The following TENM3 variants were observed in gnomAD, a reference collection of about 807,000 sequenced individuals.
TENM3 encodes the protein teneurin transmembrane protein 3, also known as teneurin-3.
A neutral mutation model predicts 255.1 loss-of-function variants in TENM3; 63 were observed. The observed-to-expected ratio is 0.25, with a 90% CI of 0.20 to 0.30. The LOEUF (loss-of-function observed/expected upper bound fraction) is 0.30, where lower values mean the gene tolerates loss of function less well. Ranked by LOEUF, TENM3 falls within the 10% of genes least tolerant of loss-of-function variation. The pLI is 1.00. For missense variants in TENM3, 2,929 were observed against 3,461.1 expected (o/e 0.85, Z 3.86); for synonymous variants, 1,306 against 1,322.3 (o/e 0.99, Z 0.27).
chr4:181,904,322 A>C, the TENM3 span, among the ~76,000 whole-genome samples: 1 of 152,086 alleles, frequency 6.6e-6, no homozygotes, highest in African/African-American at 2.4e-5. Flanking sequence ...GCAGCCTTTT[A>C]GAACCAAGCA....
chr4:181,534,634 A>G, the TENM3 span, among the ~76,000 whole-genome samples: 1 of 152,136 alleles, frequency 6.6e-6, no homozygotes, highest in African/African-American at 2.4e-5. Flanking sequence ...CCAGAGAAGG[A>G]AAGATTTCTT....
chr4:182,602,566 T>G (rs1581071221), intron 4 of TENM3, among the ~76,000 whole-genome samples: 1 of 152,226 alleles, frequency 6.6e-6, no homozygotes, highest in African/African-American at 2.4e-5. Flanking sequence ...TAAAGAACTC[T>G]TATCTTTTTA....
At chr4:182,726,445 C>T (rs1050356508) in intron 13 of TENM3, among the ~76,000 whole-genome samples, 1 of 152,176 alleles carries the variant, frequency 6.6e-6, no homozygotes, top group Non-Finnish European at 1.5e-5. Flanking sequence ...GCTCCATTCC[C>T]AGCAGCTTCT....
At chr4:181,501,058 C>T in the TENM3 span, among the ~76,000 whole-genome samples, 1 of 152,292 alleles carries the variant, frequency 6.6e-6, no homozygotes, top group East Asian at 1.9e-4. Context: ...GCTTCCCGCC[C>T]ACCTCATAGA....
chr4:182,564,634 C>T (rs755736928), intron 3 of TENM3, among the ~76,000 whole-genome samples: 8 of 150,788 alleles, frequency 5.3e-5, no homozygotes, highest in Non-Finnish European at 1.0e-4. Flanking sequence ...TCTTGACACA[C>T]GGTAAATATT....
At chr4:182,591,877 C>A (rs996631162) in intron 3 of TENM3, among the ~76,000 whole-genome samples, 1 of 152,118 alleles carries the variant, frequency 6.6e-6, no homozygotes, top group Non-Finnish European at 1.5e-5. Context: ...CCCTGAATAT[C>A]TGTTTTTGTT....
chr4:181,796,313 C>T, the TENM3 span, among the ~76,000 whole-genome samples: 3 of 152,166 alleles, frequency 2.0e-5, no homozygotes, highest in African/African-American at 7.2e-5. Flanking sequence ...CACTAGAGGG[C>T]ACATTCATGA....
rs547953259 is a variant in TENM3, at chr4:182,350,973, G to A, written c.511+4044G>A. On this transcript the variant is annotated intron_variant, in intron 3 of 27. Coordinates refer to ENST00000511685, the MANE Select transcript of TENM3 (RefSeq NM_001080477.4). Reference sequence around the variant, plus strand: ...GCTGGGATTACAGGCATGAGCCACCGCGCCCGGCCACTGACGTGTTGTTAA... The same window carrying A: ...GCTGGGATTACAGGCATGAGCCACCACGCCCGGCCACTGACGTGTTGTTAA... Among the ~76,000 whole-genome samples the A allele has an allele frequency of 3.9e-5, 6 of 152,246 alleles. No individual in the cohort carries two copies. The East Asian group carries it at 7.7e-4, about 20-fold the overall frequency.
At chr4:181,732,107 C>T in the TENM3 span, among the ~76,000 whole-genome samples, 8 of 152,200 alleles carry the variant, frequency 5.3e-5, no homozygotes, top group Non-Finnish European at 1.0e-4. Context: ...AGGCGATTTT[C>T]CCCAATTCAG....
At chr4:182,094,076 C>T in the TENM3 span, among the ~76,000 whole-genome samples, 1 of 151,948 alleles carries the variant, frequency 6.6e-6, no homozygotes, top group South Asian at 2.1e-4. Context: ...GCAGTGGAGT[C>T]AACACTGAGC....
At chr4:182,076,209 T>C in the TENM3 span, among the ~76,000 whole-genome samples, 8 of 111,160 alleles carry the variant, frequency 7.2e-5, no homozygotes, top group South Asian at 2.0e-3. Flanking sequence ...TCCTTCTTCT[T>C]CTTCTTTTTT....
chr4:181,678,432 G>A, the TENM3 span, among the ~76,000 whole-genome samples: 2 of 151,968 alleles, frequency 1.3e-5, no homozygotes, highest in Admixed American at 6.6e-5. Context: ...GGGAGGCAAC[G>A]GGGAAGGCAA....
the TENM3 span, among the ~76,000 whole-genome samples, chr4:181,845,525 A>G: frequency 6.6e-6 from 1 of 152,328 alleles, no homozygotes; most frequent in South Asian, 2.1e-4. Flanking sequence ...ATACACACAC[A>G]TACATACAAC....
intron 4 of TENM3, among the ~76,000 whole-genome samples, chr4:182,608,573 A>T (rs1046698547): frequency 9.2e-5 from 14 of 152,250 alleles, no homozygotes; most frequent in African/African-American, 3.4e-4. Context: ...TTTTGGTGTT[A>T]GCTGTGTTGA....
At chr4:182,425,054 G>A (rs764851231) in intron 3 of TENM3, among the ~76,000 whole-genome samples, 1 of 152,146 alleles carries the variant, frequency 6.6e-6, no homozygotes, top group Non-Finnish European at 1.5e-5. Flanking sequence ...CAGATTGTAT[G>A]AGAATGTTTA....
chr4:182,293,751 G>A lies in TENM3; in HGVS notation c.-75-30195G>A, dbSNP rs1170337933. On this transcript the variant is annotated intron_variant, in intron 1 of 27. Coordinates refer to ENST00000511685, the MANE Select transcript of TENM3 (RefSeq NM_001080477.4). The stretch of plus-strand genomic sequence containing the variant: ...CTGCCTCCTCCACATGCTTTAAAGC[G>A]CCCACCCCGAGTCCCTTCCAAATTT... Among the ~76,000 whole-genome samples, 3 of 148,552 alleles carry A rather than the reference G, an allele frequency of 2.0e-5. 1 individual carries two copies. The highest frequency in any genetic ancestry group is 3.9e-4 in the East Asian group (2 of 5,172).
rs1287383808 is a variant in TENM3 at position 182,801,719 on chromosome 4, GACCAA to G, written c.*1373_*1377del. 1 of 152,158 alleles carries G rather than the reference GACCAA, an allele frequency of 6.6e-6. No homozygotes were observed. Among genetic ancestry groups the G allele is most frequent in the East Asian group, 1.9e-4 (1 of 5,188 alleles). 9.4% of individuals were successfully genotyped at this position (152,158 alleles called of 1,614,324 possible). A position where few individuals can be genotyped will look rare whatever the true frequency, so the allele number is the denominator to read the frequency against. On this transcript the variant is annotated 3_prime_UTR_variant, in exon 28 of 28. Coordinates refer to ENST00000511685, the MANE Select transcript of TENM3 (RefSeq NM_001080477.4). ...GGTCAGGGTTACTCTAAGCCCACATGACCAAACCATCTTGGGGGGCTGGTTTGAAT... is the reference window on the plus strand; with the variant it reads ...GGTCAGGGTTACTCTAAGCCCACATGACCATCTTGGGGGGCTGGTTTGAAT...
the TENM3 span, among the ~76,000 whole-genome samples, chr4:181,751,505 C>T: frequency 1.3e-5 from 2 of 151,860 alleles, no homozygotes; most frequent in Non-Finnish European, 2.9e-5. Flanking sequence ...TCTAGGAACT[C>T]TCTCCTCACA....
At chr4:181,485,306 T>C in the TENM3 span, among the ~76,000 whole-genome samples, 2 of 152,160 alleles carry the variant, frequency 1.3e-5, no homozygotes, top group Non-Finnish European at 2.9e-5. Context: ...GTCTGTAACC[T>C]GTCAGGTCCA....
Sources: gnomAD v4.1 joint callset for allele counts (sites outside exome capture counted in the v4.1 genomes callset) on GRCh38, gnomAD v4.1.1 for gene constraint, MANE v1.5 for transcripts, NCBI Gene and HGNC (gene_info 2026-07-23, HGNC 2026-07-21) for gene names.